ATP9B: variants seen among roughly 807,000 people sequenced by gnomAD.
ATP9B encodes the protein probable phospholipid-transporting ATPase IIB.
A neutral mutation model predicts 146.1 loss-of-function variants in ATP9B; 110 were observed. That is an observed-to-expected ratio of 0.75 (90% confidence interval 0.65 to 0.88). The LOEUF (loss-of-function observed/expected upper bound fraction) is 0.88. Among genes scored for constraint, ATP9B ranks in the 40% least tolerant of loss-of-function variants. ATP9B has a pLI of 0.00. For missense variants in ATP9B, 1,499 were observed against 1,496.4 expected, an observed-to-expected ratio of 1.00 and a Z score of -0.03; for synonymous variants, 604 against 569.7, an observed-to-expected ratio of 1.06 and a Z score of -0.86.
At chr18:79,200,250 G>C (rs543110008) in intron 9 of ATP9B, among the ~76,000 whole-genome samples, 4 of 152,272 alleles carry the variant, frequency 2.6e-5, no homozygotes, top group South Asian at 2.1e-4. Flanking sequence ...GGCTACTGTG[G>C]TTTGTGCCAT....
At chr18:79,076,240 C>T (rs2072599505) in intron 1 of ATP9B, among the ~76,000 whole-genome samples, 1 of 152,190 alleles carries the variant, frequency 6.6e-6, no homozygotes, top group African/African-American at 2.4e-5. Context: ...TATTCATCTA[C>T]CCTTTCTGCC....
At chr18:79,281,147 A>T (rs1357873665) in intron 13 of ATP9B, among the ~76,000 whole-genome samples, 1 of 152,222 alleles carries the variant, frequency 6.6e-6, no homozygotes, top group Admixed American at 6.5e-5. Context: ...GTCCTGTCAG[A>T]CTTTTGAAAA....
Position 79,110,448 on chromosome 18 carries a change from A to C in ATP9B, c.387A>C (p.Lys129Asn). The C allele has an allele frequency of 6.2e-7, 1 of 1,613,144 alleles. No homozygotes were observed. Among genetic ancestry groups the C allele is most frequent in the Non-Finnish European group, 8.5e-7 (1 of 1,179,356 alleles). The change falls in exon 3 of 30, where the codon AAA becomes AAC. Residue 129 changes from lysine (K) to asparagine (N), a missense_variant. Coordinates refer to ENST00000426216, the MANE Select transcript of ATP9B (RefSeq NM_198531.5). ...GATGTCCTGAAAAGTGTGAAGAAAA[A>C]CATCCCAGGAATTCTATAAAAAATC... ...WLGCPEKCEEKHPRNSIKNQK... is the reference protein window; with the variant it reads ...WLGCPEKCEENHPRNSIKNQK...
intron 17 of ATP9B, 53 bp from the exon 18 acceptor site, chr18:79,336,575 C>G: frequency 6.5e-7 from 1 of 1,546,600 alleles, no homozygotes; most frequent in Non-Finnish European, 8.9e-7. Flanking sequence ...GCCCCACACA[C>G]GGCCACAGGG....
intron 26 of ATP9B, among the ~76,000 whole-genome samples, chr18:79,365,079 G>A (rs1302313109): frequency 6.6e-6 from 1 of 151,928 alleles, no homozygotes; most frequent in Non-Finnish European, 1.5e-5. Context: ...GAAAAAACAA[G>A]CCACAGCCTA....
At chr18:79,323,282 G>A (rs560327614) in intron 15 of ATP9B, among the ~76,000 whole-genome samples, 6 of 151,970 alleles carry the variant, frequency 3.9e-5, no homozygotes, top group African/African-American at 1.5e-4. Context: ...GTTGCTTCGC[G>A]TTAGTAATAT....
At position 79,347,968 on chromosome 18, in the gene ATP9B, A is replaced by AGGAAGGGCAGGGTCCG. The variant is rs377523686; in HGVS notation, c.2838+63_2838+78dup. ...CTGGCACCCATGGAGGGCAGGGTCC[A>AGGAAGGGCAGGGTCCG]GGAAGGGCAGGGTCCGGGAAGGGCA... On this transcript the variant is annotated intron_variant, in intron 24 of 29. Coordinates refer to ENST00000426216, the MANE Select transcript of ATP9B (RefSeq NM_198531.5). 1.1e-4 allele frequency: 177 copies of AGGAAGGGCAGGGTCCG among 1,605,332 alleles called. 1 individual carries two copies. Among genetic ancestry groups the AGGAAGGGCAGGGTCCG allele is most frequent in the African/African-American group, 4.6e-4 (34 of 74,160 alleles).
intron 1 of ATP9B, among the ~76,000 whole-genome samples, chr18:79,093,827 C>A (rs1419590078): frequency 6.6e-6 from 1 of 152,174 alleles, no homozygotes; most frequent in African/African-American, 2.4e-5. Flanking sequence ...CTATTCACTT[C>A]AAGACTGTTC....
chr18:79,182,737 A>C (rs1033953499), intron 8 of ATP9B, among the ~76,000 whole-genome samples: 5 of 152,238 alleles, frequency 3.3e-5, no homozygotes, highest in Non-Finnish European at 7.3e-5. Flanking sequence ...AACAAACTGC[A>C]TGACATTTCA....
rs138086974 is a variant in ATP9B at position 79,234,830 on chromosome 18, G to T, written c.1108-18551G>T. Among the ~76,000 whole-genome samples the T allele has an allele frequency of 3.0e-3, 457 of 152,234 alleles. 3 individuals are homozygous for T. Among genetic ancestry groups the T allele is most frequent in the African/African-American group, 0.011 (442 of 41,520 alleles). The stretch of plus-strand genomic sequence containing the variant: ...CAGCTCTATGTATAAGATTTCCTTG[G>T]TTCAGCTTTTATAAAAATGTTTGTA... On this transcript the variant is annotated intron_variant, in intron 11 of 29. Transcript: ENST00000426216.
At chr18:79,100,001 T>TGTAG (rs1021689897) in intron 2 of ATP9B, among the ~76,000 whole-genome samples, 7 of 152,122 alleles carry the variant, frequency 4.6e-5, no homozygotes, top group African/African-American at 1.7e-4. Flanking sequence ...GGTGTGCACC[T>TGTAG]GTAGCCCCAG....
At chr18:79,348,226 T>C in intron 25 of ATP9B, 30 bp downstream of exon 25, 1 of 1,057,356 alleles carries the variant, frequency 9.5e-7, no homozygotes, top group Non-Finnish European at 1.4e-6. Context: ...TGCCAGCTCA[T>C]CCAGGGGAGG....
intron 5 of ATP9B, among the ~76,000 whole-genome samples, chr18:79,134,731 C>A (rs1204762976): frequency 6.6e-6 from 1 of 152,112 alleles, no homozygotes; most frequent in African/African-American, 2.4e-5. Flanking sequence ...TACCTTATTA[C>A]AATTTTTCTA....
chr18:79,072,305 G>T (rs1314338024), intron 1 of ATP9B, among the ~76,000 whole-genome samples: 2 of 151,992 alleles, frequency 1.3e-5, no homozygotes, highest in Non-Finnish European at 2.9e-5. Flanking sequence ...GCGGCCTTCC[G>T]CAGTGTTTGT....
intron 11 of ATP9B, among the ~76,000 whole-genome samples, chr18:79,247,170 T>A (rs1372027872): frequency 6.6e-6 from 1 of 152,252 alleles, no homozygotes; most frequent in African/African-American, 2.4e-5. Context: ...TTGCATGTGC[T>A]GACCTTTCAT....
chr18:79,108,421 T>C (rs573033690), intron 2 of ATP9B, among the ~76,000 whole-genome samples: 1 of 152,364 alleles, frequency 6.6e-6, no homozygotes, highest in East Asian at 1.9e-4. Flanking sequence ...ATACTTGTTT[T>C]GACAATCTTA....
chr18:79,178,430 T>G (rs2095208483), intron 8 of ATP9B, among the ~76,000 whole-genome samples: 1 of 152,126 alleles, frequency 6.6e-6, no homozygotes, highest in South Asian at 2.1e-4. Flanking sequence ...CATCTGCTTG[T>G]CCTCTTTGGT....
chr18:79,273,089 A>G (rs939790031), intron 12 of ATP9B, among the ~76,000 whole-genome samples: 12 of 152,194 alleles, frequency 7.9e-5, no homozygotes, highest in Admixed American at 1.3e-4. Context: ...ATGATGGAGA[A>G]ACTTTCCACG....
At chr18:79,211,963 A>G (rs1013607999) in intron 10 of ATP9B, among the ~76,000 whole-genome samples, 1 of 152,210 alleles carries the variant, frequency 6.6e-6, no homozygotes, top group Non-Finnish European at 1.5e-5. Flanking sequence ...TATTTGTCAC[A>G]TTCAGTCTCC....
Sources: gnomAD v4.1 joint callset for allele counts (sites outside exome capture counted in the v4.1 genomes callset) on GRCh38, gnomAD v4.1.1 for gene constraint, MANE v1.5 for transcripts, NCBI Gene and HGNC (gene_info 2026-07-23, HGNC 2026-07-21) for gene names.